NBPF19: variants seen among roughly 807,000 people sequenced by gnomAD.
NBPF19 encodes the protein NBPF member 19, also known as NBPF family member NBPF19.
In NBPF19, 30 loss-of-function variants were observed where a neutral mutation model predicts 45.9. The ratio of observed to expected loss-of-function variants is 0.65; its 90% CI spans 0.49 to 0.89. The LOEUF is 0.89. Ranked by LOEUF, NBPF19 falls within the 40% of genes least tolerant of loss-of-function variation. The pLI is 0.00. For synonymous variants in NBPF19, 183 were observed against 181.2 expected, an observed-to-expected ratio of 1.01 and a Z score of -0.08; for missense variants, 495 against 471.8, an observed-to-expected ratio of 1.05 and a Z score of -0.46.
In NBPF19 at chr1:149,554,526, C is replaced by T. The variant is rs1394086931; in HGVS notation, c.11320C>T (p.Pro3774Ser). Residue 3774 changes from proline (P) to serine (S), a missense_variant, in exon 94 of 94, where the codon CCT becomes TCT. Pro to Ser is a moderately conservative substitution (Grantham distance 74). Transcript: ENST00000651566. ...CAGCGTGCTGATGGAAGTGGAAGAG[C>T]CTGAAGTCTTACAGGACTCACTGGA... ...LNSVLMEVEEPEVLQDSLDGC... is the reference protein window; with the variant it reads ...LNSVLMEVEESEVLQDSLDGC... 186 of 1,608,200 alleles carry T rather than the reference C, an allele frequency of 1.2e-4. 6 individuals carry two copies. The highest frequency in any genetic ancestry group is 2.3e-4 in the Middle Eastern group (1 of 4,428).
chr1:149,529,006 A>G (rs1247135725), intron 61 of NBPF19, among the ~76,000 whole-genome samples, 168 bp from the exon 62 acceptor site: 3 of 122,136 alleles, frequency 2.5e-5, no homozygotes, highest in East Asian at 5.1e-4. Flanking sequence ...ATTCTTTTCC[A>G]TTTGGCCCTG....
intron 61 of NBPF19, among the ~76,000 whole-genome samples, chr1:149,528,896 C>T (rs1250110230): frequency 1.6e-5 from 2 of 123,954 alleles, no homozygotes; most frequent in Admixed American, 8.3e-5. Flanking sequence ...TCCTGTTACT[C>T]CCTCATCAGT....
chr1:149,477,845 A>T, intron 2 of NBPF19, 100 bp from the exon 3 acceptor site: 3 of 799,082 alleles, frequency 3.8e-6, no homozygotes, highest in Non-Finnish European at 6.4e-6. Flanking sequence ...TACTGGGGAG[A>T]GTTTTGTCCT....
Position 149,555,338 on chromosome 1 carries a change from G to A in NBPF19, c.*600G>A, listed in dbSNP as rs1407322895. ...TACTTAGGAAGACCACAGCTAGATG[G>A]ACAAACAGCATTGGGAGGCCTTAGC... is the stretch of plus-strand genomic sequence containing the variant. On this transcript the variant is annotated 3_prime_UTR_variant, in exon 94 of 94. Transcript: ENST00000651566. 6.4e-6 allele frequency: 1 copy of A among 156,420 alleles called. No individual in the cohort carries two copies. Among genetic ancestry groups the A allele is most frequent in the African/African-American group, 2.5e-5 (1 of 40,408 alleles). 9.7% of individuals were successfully genotyped at this position (156,420 alleles called of 1,614,324 possible). A position where few individuals can be genotyped will look rare whatever the true frequency, so the allele number is the denominator to read the frequency against.
At chr1:149,477,807 G>A in intron 2 of NBPF19, 138 bp from the exon 3 acceptor site, 4 of 873,414 alleles carry the variant, frequency 4.6e-6, no homozygotes, top group East Asian at 4.9e-5. Flanking sequence ...GAAGAATAAA[G>A]ATGTGGAAAT....
chr1:149,487,294 A>G (rs2085591759), intron 8 of NBPF19, 38 bp from the exon 9 acceptor site: 3 of 1,483,942 alleles, frequency 2.0e-6, no homozygotes, highest in South Asian at 2.3e-5. Context: ...TGCAAGGAAG[A>G]ACTTAATGTA....
At chr1:149,482,871 CT>C (rs2085282895) in intron 7 of NBPF19, among the ~76,000 whole-genome samples, 1 of 144,910 alleles carries the variant, frequency 6.9e-6, no homozygotes, top group Admixed American at 6.9e-5. Flanking sequence ...ATCCTGAGTT[CT>C]AATTTGATTG....
At position 149,483,626 on chromosome 1, in the gene NBPF19, C is replaced by T. The variant is rs1394132045; in HGVS notation, c.824+1400C>T. ...AGTTGATGCAGTTTCTTCCTAGCGT[C>T]AATGGTCTTTACAGTTTGGCATGTT... On this transcript the variant is annotated intron_variant, in intron 7 of 93. Transcript: ENST00000651566. Among the ~76,000 whole-genome samples the T allele has an allele frequency of 3.3e-5, 5 of 149,694 alleles. No individual in the cohort carries two copies. The Admixed American group carries it at 3.3e-4, about 10-fold the overall frequency.
intron 43 of NBPF19, among the ~76,000 whole-genome samples, 164 bp from the exon 44 acceptor site, chr1:149,514,772 G>A (rs2086352389): frequency 1.3e-5 from 1 of 75,334 alleles, no homozygotes; most frequent in Non-Finnish European, 2.9e-5. Context: ...TTTTCCATTT[G>A]GCCCTGTTCT....
rs2087190749 is a variant in NBPF19 at position 149,554,479 on chromosome 1, T to G, written c.11289-16T>G. 16 of 1,608,258 alleles carry G rather than the reference T, an allele frequency of 9.9e-6. No individual in the cohort carries two copies. The East Asian group carries it at 2.9e-4, about 29-fold the overall frequency. On this transcript the variant is annotated splice_polypyrimidine_tract_variant and intron_variant, in intron 93 of 93. Transcript: ENST00000651566. ...ATTTTCCCTGGCTGCTTCTTTAGTT[T>G]TGTCTCCTTTTCCAGGCTCAACAGC...
chr1:149,488,197 T>A lies in NBPF19; in HGVS notation c.1213+12T>A. On this transcript the variant is annotated intron_variant, in intron 10 of 93. Transcript: ENST00000651566. ...TATTGACATGGATGGTGAGTACCTT[T>A]CTATGAAGGTGATAAGGATCCACTG... 2 of 620,396 alleles carry A rather than the reference T, an allele frequency of 3.2e-6. No homozygotes were observed. The highest frequency in any genetic ancestry group is 2.9e-5 in the East Asian group (1 of 35,002). 38.4% of individuals were successfully genotyped at this position (620,396 alleles called of 1,614,324 possible).
intron 8 of NBPF19, among the ~76,000 whole-genome samples, 184 bp from the exon 9 acceptor site, chr1:149,487,148 C>A (rs1268308533): frequency 2.0e-5 from 3 of 151,070 alleles, no homozygotes; most frequent in Non-Finnish European, 3.0e-5. Context: ...TTGCCCAAGG[C>A]TCATGAAAGA....
At position 149,486,155 on chromosome 1, in the gene NBPF19, G is replaced by A. The variant is rs1376955667; in HGVS notation, c.850G>A (p.Glu284Lys). ...GAATCTGCAGGAGTCTGAAGAGGAG[G>A]AAGTCCCCCAGGAGTCCTGGGATGA... ...PRNLQESEEE[E>K]VPQESWDEGY... Residue 284 changes from glutamate (E) to lysine (K), a missense_variant, in exon 8 of 94, where the codon GAA becomes AAA. Coordinates refer to ENST00000651566, the MANE Select transcript of NBPF19 (RefSeq NM_001351365.2). The A allele has an allele frequency of 0.041, 17,975 of 435,728 alleles. 1,546 individuals carry two copies. The highest frequency in any genetic ancestry group is 0.22 in the East Asian group (6,597 of 29,720). 27.0% of individuals were successfully genotyped at this position (435,728 alleles called of 1,614,324 possible).
intron 9 of NBPF19, 91 bp from the exon 10 acceptor site, chr1:149,487,922 A>G (rs1485601743): frequency 4.1e-6 from 3 of 731,612 alleles, no homozygotes; most frequent in African/African-American, 1.8e-5. Flanking sequence ...TTCTTTTCAA[A>G]CTCTTCCTTA....
chr1:149,490,880 C>T (rs1186394483), intron 13 of NBPF19, among the ~76,000 whole-genome samples: 2 of 122,116 alleles, frequency 1.6e-5, no homozygotes, highest in Non-Finnish European at 3.4e-5. Context: ...TCACTGAGCT[C>T]GTTCTCTCTC....
In NBPF19 at chr1:149,487,123, C is replaced by T. The variant is rs1218965037; in HGVS notation, c.989-209C>T. Among the ~76,000 whole-genome samples the T allele has an allele frequency of 2.0e-5, 3 of 150,114 alleles. 1 individual carries two copies. The highest frequency in any genetic ancestry group is 4.5e-5 in the Non-Finnish European group (3 of 67,106). ...AGAGCACATAGGGAAGATAACATTC[C>T]AACACAGGGGAATTTTGCCCAAGGC... On this transcript the variant is annotated intron_variant, in intron 8 of 93. Transcript: ENST00000651566.
intron 9 of NBPF19, 146 bp from the exon 10 acceptor site, chr1:149,487,867 A>C (rs1440040314): frequency 4.2e-6 from 3 of 710,580 alleles, no homozygotes; most frequent in Non-Finnish European, 7.8e-6. Flanking sequence ...GTCTATCCCA[A>C]CATAAAGGCA....
intron 93 of NBPF19, 76 bp from the exon 94 acceptor site, chr1:149,554,419 G>C: frequency 6.3e-7 from 1 of 1,594,582 alleles, no homozygotes; most frequent in Non-Finnish European, 8.6e-7. Flanking sequence ...TTCCTTATGT[G>C]ACTTCTGAAA....
In NBPF19 at chr1:149,478,478, A is replaced by T. The variant is rs1453774453; in HGVS notation, c.279-402A>T. 2.6e-4 allele frequency among the ~76,000 whole-genome samples: 39 copies of T among 151,032 alleles called. 2 individuals carry two copies. Among genetic ancestry groups the T allele is most frequent in the Non-Finnish European group, 5.3e-4 (36 of 67,578 alleles). On this transcript the variant is annotated intron_variant, in intron 3 of 93. Coordinates refer to ENST00000651566, the MANE Select transcript of NBPF19 (RefSeq NM_001351365.2). ...CTTCTTTTCTTCTTTCATCTTTTCA[A>T]TTCGCCCCATCTGCACCTGGCCTCA...
Sources: gnomAD v4.1 joint callset for allele counts (sites outside exome capture counted in the v4.1 genomes callset) on GRCh38, gnomAD v4.1.1 for gene constraint, MANE v1.5 for transcripts, NCBI Gene and HGNC (gene_info 2026-07-23, HGNC 2026-07-21) for gene names.